ARMC9: variants seen among roughly 807,000 people sequenced by gnomAD.
ARMC9 encodes the protein armadillo repeat containing 9.
In ARMC9, 94 loss-of-function variants were observed where a neutral mutation model predicts 107.0. The ratio of observed to expected loss-of-function variants is 0.88; its 90% CI spans 0.74 to 1.04. The LOEUF is 1.04. Ranked by LOEUF, ARMC9 falls within the 50% of genes least tolerant of loss-of-function variation. The probability of loss-of-function intolerance (pLI) is 0.00; values close to 1 mark genes in which losing one functional copy is unlikely to be tolerated. For missense variants in ARMC9, 942 were observed against 1,030.1 expected (o/e 0.91, Z 1.17); for synonymous variants, 380 against 396.9 (o/e 0.96, Z 0.51).
chr2:231,280,613 TAAAG>T (rs973896257), intron 16 of ARMC9, among the ~76,000 whole-genome samples: 3 of 151,844 alleles, frequency 2.0e-5, no homozygotes, highest in African/African-American at 4.8e-5. Context: ...AAAACCAAAA[TAAAG>T]AAAAAGATGC....
At chr2:231,367,285 C>T (rs1275873733) in intron 23 of ARMC9, among the ~76,000 whole-genome samples, 1 of 151,854 alleles carries the variant, frequency 6.6e-6, no homozygotes, top group African/African-American at 2.4e-5. Context: ...ATTCCTGGGC[C>T]CTGCCGCCCA....
chr2:231,271,718 C>A (rs1296244819), intron 13 of ARMC9, among the ~76,000 whole-genome samples: 2 of 152,102 alleles, frequency 1.3e-5, no homozygotes, highest in African/African-American at 4.8e-5. Flanking sequence ...TATGATAAGC[C>A]AGGATGTGTT....
Position 231,338,238 on chromosome 2 carries a change from TA to T in ARMC9, c.1878+6345del, listed in dbSNP as rs200782699. On this transcript the variant is annotated intron_variant, in intron 20 of 24. Transcript: ENST00000611582. ...GAAGTTCACTTTTTTTTTTTTTTTT[TA>T]AAACAGTCTTGCTCTGCTGCCCAGG... Among the ~76,000 whole-genome samples, 665 of 151,096 alleles carry T rather than the reference TA, an allele frequency of 4.4e-3. 5 individuals are homozygous for T. Among genetic ancestry groups the T allele is most frequent in the African/African-American group, 0.015 (625 of 41,058 alleles).
Position 231,297,225 on chromosome 2 carries a change from C to T in ARMC9, c.1773+972C>T, listed in dbSNP as rs187656613. On this transcript the variant is annotated intron_variant, in intron 19 of 24. Coordinates refer to ENST00000611582, the MANE Select transcript of ARMC9 (RefSeq NM_001352754.2). The surrounding 1 kb of genome is among the most constrained non-coding windows in gnomAD (Gnocchi z 4.2). ...CTTCACAGGCTGCAGGTGGCATCAG[C>T]GGGTACGTGCTCCTGCTGGCTCTTC... Among the ~76,000 whole-genome samples, 10 of 152,276 alleles carry T rather than the reference C, an allele frequency of 6.6e-5. No homozygotes were observed. The highest frequency in any genetic ancestry group is 1.9e-4 in the African/African-American group (8 of 41,548).
At chr2:231,204,837 C>T (rs940022322) in intron 1 of ARMC9, among the ~76,000 whole-genome samples, 6 of 152,082 alleles carry the variant, frequency 3.9e-5, no homozygotes, top group African/African-American at 1.4e-4. Context: ...ACAGGAACCA[C>T]ACAGTGGCCA....
At chr2:231,302,448 T>TG (rs1559431258) in intron 19 of ARMC9, among the ~76,000 whole-genome samples, 3 of 143,186 alleles carry the variant, frequency 2.1e-5, no homozygotes, top group Non-Finnish European at 4.6e-5. Flanking sequence ...TTTTTTTTTT[T>TG]TTTTTTTTTT....
At chr2:231,352,817 TA>T (rs1432637199) in intron 21 of ARMC9, among the ~76,000 whole-genome samples, 1 of 148,954 alleles carries the variant, frequency 6.7e-6, no homozygotes, top group African/African-American at 2.6e-5. Flanking sequence ...GTTGCAATAT[TA>T]TTCATAAAAT....
chr2:231,362,557 C>T lies in ARMC9; in HGVS notation c.2261+1674C>T, dbSNP rs2045633188. Among the ~76,000 whole-genome samples, 1 of 151,846 alleles carries T rather than the reference C, an allele frequency of 6.6e-6. No individual in the cohort carries two copies. Among genetic ancestry groups the T allele is most frequent in the Admixed American group, 6.6e-5 (1 of 15,234 alleles). ...ACTGAGCACAAAGACCCCTCAGGGT[C>T]CAACCCAGAGGTGCCCTCCCCTTGG... On this transcript the variant is annotated intron_variant, in intron 23 of 24. Coordinates refer to ENST00000611582, the MANE Select transcript of ARMC9 (RefSeq NM_001352754.2). This position sits in a 1 kb window ranked among gnomAD's most constrained non-coding sequence, Gnocchi z 4.7.
intron 9 of ARMC9, among the ~76,000 whole-genome samples, chr2:231,243,753 AAG>A (rs1288227626): frequency 6.6e-6 from 1 of 152,240 alleles, no homozygotes; most frequent in East Asian, 1.9e-4. Context: ...GTCAAAGTAT[AAG>A]AGAGTATTGT....
At chr2:231,256,653 G>C in intron 10 of ARMC9, 33 bp downstream of exon 10, 2 of 1,603,332 alleles carry the variant, frequency 1.2e-6, no homozygotes, top group Non-Finnish European at 8.5e-7. Context: ...TTTTATTAAG[G>C]AGAACAGCAA....
chr2:231,221,198 G>A (rs780126468), intron 5 of ARMC9, among the ~76,000 whole-genome samples: 3 of 152,242 alleles, frequency 2.0e-5, no homozygotes, highest in South Asian at 4.2e-4. Context: ...TGTAGCCACG[G>A]GTGTTCTGTG....
intron 19 of ARMC9, among the ~76,000 whole-genome samples, chr2:231,322,495 A>T (rs1293786794): frequency 6.6e-6 from 1 of 152,250 alleles, no homozygotes; most frequent in Admixed American, 6.5e-5. Context: ...TCTGCTCTGC[A>T]TTCTATCTGT....
At chr2:231,216,577 G>A (rs1347537342) in intron 4 of ARMC9, 61 bp from the exon 5 acceptor site, 1 of 1,550,640 alleles carries the variant, frequency 6.4e-7, no homozygotes, top group East Asian at 2.2e-5. Context: ...AGAGGATGGG[G>A]TGAGCAGATA....
At chr2:231,208,301 C>A in intron 3 of ARMC9, 49 bp downstream of exon 3, 2 of 1,448,682 alleles carry the variant, frequency 1.4e-6, no homozygotes, top group South Asian at 1.2e-5. Flanking sequence ...AGGATGCTCC[C>A]AACTTGTGGA....
rs556523039 is a variant in ARMC9, at chr2:231,341,912, G to A, written c.1879-3063G>A. 2.0e-5 allele frequency among the ~76,000 whole-genome samples: 3 copies of A among 152,264 alleles called. No individual in the cohort carries two copies. The South Asian group carries it at 6.2e-4, about 32-fold the overall frequency. ...TCTTTCAAATAAATAATCTCCGTCT[G>A]TAACACTGATGAAAGCCGGGTTCTC... On this transcript the variant is annotated intron_variant, in intron 20 of 24. Coordinates refer to ENST00000611582, the MANE Select transcript of ARMC9 (RefSeq NM_001352754.2).
intron 10 of ARMC9, among the ~76,000 whole-genome samples, chr2:231,256,847 CAG>C (rs1247936350): frequency 6.6e-6 from 1 of 152,092 alleles, no homozygotes; most frequent in Admixed American, 6.5e-5. Context: ...TTTTTTGAGA[CAG>C]AGTTTCGCTC....
chr2:231,211,730 G>C (rs575048628), intron 3 of ARMC9, among the ~76,000 whole-genome samples: 1 of 152,116 alleles, frequency 6.6e-6, no homozygotes, highest in Non-Finnish European at 1.5e-5. Flanking sequence ...GTACATAAGC[G>C]TTCCAGTTTC....
intron 17 of ARMC9, chr2:231,288,577 T>G (rs1301979626): frequency 2.1e-6 from 1 of 469,536 alleles, no homozygotes; most frequent in African/African-American, 2.0e-5. Context: ...AGAAGTGAGT[T>G]CGAAGTTAGT....
At chr2:231,350,703 C>T (rs114682004) in intron 21 of ARMC9, among the ~76,000 whole-genome samples, 133 of 151,844 alleles carry the variant, frequency 8.8e-4, no homozygotes, top group Middle Eastern at 3.4e-3. Context: ...AGGTCAGGAC[C>T]CTTCTCAGCC....
Sources: allele counts gnomAD v4.1 joint callset (sites outside exome capture counted in the v4.1 genomes callset), GRCh38; gene constraint gnomAD v4.1.1; non-coding constraint Gnocchi (gnomAD v3.1); transcripts MANE v1.5; gene names NCBI Gene and HGNC (gene_info 2026-07-23, HGNC 2026-07-21).